KIF1B: variants seen among roughly 807,000 people sequenced by gnomAD.
KIF1B encodes kinesin family member 1B.
Under a neutral mutation model 241.9 loss-of-function variants are expected in KIF1B, and 76 were observed. The ratio of observed to expected loss-of-function variants is 0.31; its 90% confidence interval spans 0.26 to 0.38. The LOEUF is 0.38. Ranked by LOEUF, KIF1B falls within the 10% of genes least tolerant of loss-of-function variation. The pLI is 1.00. For missense variants in KIF1B, 1,622 were observed against 2,271.4 expected, an observed-to-expected ratio of 0.71 and a Z score of 5.81; for synonymous variants, 750 against 796.7, an observed-to-expected ratio of 0.94 and a Z score of 0.99.
chr1:10,244,235 G>C (rs1647175238), intron 2 of KIF1B, among the ~76,000 whole-genome samples: 1 of 151,724 alleles, frequency 6.6e-6, no homozygotes, highest in Non-Finnish European at 1.5e-5. Flanking sequence ...AGTTGCCTGT[G>C]GGTTTTGGTT....
intron 37 of KIF1B, among the ~76,000 whole-genome samples, chr1:10,351,213 A>G (rs927275814): frequency 2.0e-5 from 3 of 151,902 alleles, no homozygotes; most frequent in African/African-American, 7.3e-5. Context: ...TTTATTTACA[A>G]AGTACTGAAT....
Position 10,342,035 on chromosome 1 carries a change from CT to C in KIF1B, c.3514-13del. On this transcript the variant is annotated splice_polypyrimidine_tract_variant and intron_variant, in intron 32 of 48. Transcript: ENST00000676179. ...TATTTTCTTGTAATCTTTTCCTAATCTTGCTTGGCTTTAGATTGCAGTGGAG... is the reference window on the plus strand; with the variant it reads ...TATTTTCTTGTAATCTTTTCCTAATCTGCTTGGCTTTAGATTGCAGTGGAG... The C allele has an allele frequency of 6.8e-7, 1 of 1,476,548 alleles. No individual in the cohort carries two copies. Among genetic ancestry groups the C allele is most frequent in the Non-Finnish European group, 9.5e-7 (1 of 1,055,760 alleles). 91.5% of individuals were successfully genotyped at this position (1,476,548 alleles called of 1,614,324 possible). A position where few individuals can be genotyped will look rare whatever the true frequency, so the allele number is the denominator to read the frequency against.
Position 10,306,652 on chromosome 1 carries a change from G to A in KIF1B, c.2115+9406G>A, listed in dbSNP as rs1650840596. On this transcript the variant is annotated intron_variant, in intron 22 of 48. Transcript: ENST00000676179. ...ATCAGGACGGGTGAACCCAGCCCAG[G>A]TTGGAAATGGAGCAGGCCAAAACTC... is the stretch of plus-strand genomic sequence containing the variant. 1.1e-5 allele frequency: 7 copies of A among 657,410 alleles called. No homozygotes were observed. The South Asian group carries it at 3.6e-4, about 34-fold the overall frequency. 40.7% of individuals were successfully genotyped at this position (657,410 alleles called of 1,614,324 possible). A position where few individuals can be genotyped will look rare whatever the true frequency, so the allele number is the denominator to read the frequency against.
At chr1:10,361,129 C>A in intron 39 of KIF1B, 86 bp downstream of exon 39, 1 of 883,516 alleles carries the variant, frequency 1.1e-6, no homozygotes, top group South Asian at 1.3e-5. Flanking sequence ...AGCGAAGATT[C>A]CACTTGTTTT....
chr1:10,295,899 G>A (rs2102256881), intron 19 of KIF1B, 133 bp downstream of exon 19: 2 of 806,984 alleles, frequency 2.5e-6, no homozygotes, highest in South Asian at 2.9e-5. Flanking sequence ...GGAGAGACCT[G>A]GGCTGCTTAT....
Position 10,334,573 on chromosome 1 carries a change from T to C in KIF1B, c.2978T>C (p.Val993Ala), listed in dbSNP as rs1394999188. ...TATCCCGTGCCCCTGATCCACAGGG[T>C]GGCCATCGTCAGTGAGAAAGGTGAA... ...LLYPVPLIHRVAIVSEKGEVR... is the reference protein window; with the variant it reads ...LLYPVPLIHRAAIVSEKGEVR... The change falls in exon 28 of 49, where the codon GTG (valine) becomes GCG (alanine). Residue 993 changes from valine (V) to alanine (A), a missense_variant. By Grantham distance (64) the Val-to-Ala change is moderately conservative. Transcript: ENST00000676179. 2 of 1,614,090 alleles carry C rather than the reference T, an allele frequency of 1.2e-6. No homozygotes were observed. The highest frequency in any genetic ancestry group is 1.7e-6 in the Non-Finnish European group (2 of 1,179,966).
intron 43 of KIF1B, among the ~76,000 whole-genome samples, chr1:10,367,141 G>C (rs1638598430): frequency 6.6e-6 from 1 of 151,512 alleles, no homozygotes; most frequent in African/African-American, 2.4e-5. Flanking sequence ...TGTCACACAG[G>C]CTGGGATGCA....
intron 24 of KIF1B, among the ~76,000 whole-genome samples, chr1:10,322,455 C>CATAG: frequency 6.6e-6 from 1 of 152,310 alleles, no homozygotes; most frequent in African/African-American, 2.4e-5. Flanking sequence ...CTTATAGTGT[C>CATAG]TGGCATGGTA....
At chr1:10,290,013 A>T (rs192374677) in intron 15 of KIF1B, among the ~76,000 whole-genome samples, 1 of 152,258 alleles carries the variant, frequency 6.6e-6, no homozygotes, top group Admixed American at 6.5e-5. Flanking sequence ...AGAAGGCTTG[A>T]TATGTAATGG....
At chr1:10,211,213 G>C (rs1248723829) in intron 1 of KIF1B, among the ~76,000 whole-genome samples, 1 of 152,224 alleles carries the variant, frequency 6.6e-6, no homozygotes, top group African/African-American at 2.4e-5. Context: ...GCACGTTGCA[G>C]CCCGGGGGGC....
chr1:10,362,503 G>GAAAAAAAAAAAAAAAAA (rs79052867), intron 40 of KIF1B, among the ~76,000 whole-genome samples: 1 of 119,304 alleles, frequency 8.4e-6, no homozygotes, highest in South Asian at 2.7e-4. Flanking sequence ...AAAGAAAAAG[G>GAAAAAAAAAAAAAAAAA]AAAAAAAAAA....
intron 2 of KIF1B, among the ~76,000 whole-genome samples, chr1:10,250,473 G>T (rs1275512992): frequency 2.0e-5 from 3 of 151,916 alleles, no homozygotes; most frequent in African/African-American, 7.3e-5. Context: ...CAAGTAGCTG[G>T]GGTTACAGGT....
intron 28 of KIF1B, among the ~76,000 whole-genome samples, chr1:10,335,083 C>G (rs759913119): frequency 2.6e-5 from 4 of 152,012 alleles, no homozygotes; most frequent in Admixed American, 6.6e-5. Context: ...ACTACAGATG[C>G]ACACCACCAT....
intron 2 of KIF1B, among the ~76,000 whole-genome samples, chr1:10,250,837 T>C (rs893112251): frequency 6.6e-6 from 1 of 150,396 alleles, no homozygotes; most frequent in Non-Finnish European, 1.5e-5. Flanking sequence ...GGAAAACAAA[T>C]GGATTAGTTG....
chr1:10,253,043 CA>C (rs1647556519), intron 2 of KIF1B, among the ~76,000 whole-genome samples: 3 of 152,004 alleles, frequency 2.0e-5, no homozygotes, highest in Admixed American at 6.6e-5. Context: ...GAATTTTAAA[CA>C]ATGCCTACAG....
rs760080117 is a variant in KIF1B, at chr1:10,365,558, T to C, written c.4662T>C (p.Phe1554=). The stretch of plus-strand genomic sequence containing the variant: ...CCTCTCAGATCTCAACCACTACCTT[T>C]GAAAGCGCCATCACACCTAGCGAGA... ...SISSQISTTT[F]ESAITPSESS... Residue 1554 remains phenylalanine (F), a synonymous_variant, in exon 43 of 49, where the codon TTT becomes TTC. Coordinates refer to ENST00000676179, the MANE Select transcript of KIF1B (RefSeq NM_001365951.3). The surrounding 1 kb of genome is among the most constrained non-coding windows in gnomAD (Gnocchi z 4.0). 14 of 1,613,990 alleles carry C rather than the reference T, an allele frequency of 8.7e-6. No individual in the cohort carries two copies. Among genetic ancestry groups the C allele is most frequent in the African/African-American group, 1.3e-5 (1 of 74,894 alleles).
At chr1:10,246,826 C>G (rs1353481544) in intron 2 of KIF1B, among the ~76,000 whole-genome samples, 1 of 152,140 alleles carries the variant, frequency 6.6e-6, no homozygotes, top group Non-Finnish European at 1.5e-5. Context: ...TAAAATTCTT[C>G]ACTGGTTTCC....
intron 14 of KIF1B, 150 bp from the exon 15 acceptor site, chr1:10,282,172 T>C (rs1296233633): frequency 1.4e-5 from 9 of 646,728 alleles, no homozygotes; most frequent in Non-Finnish European, 2.4e-5. Flanking sequence ...CTAGAACAGT[T>C]GTAACCTGTG....
At chr1:10,262,394 GCCT>G (rs1209002377) in intron 5 of KIF1B, among the ~76,000 whole-genome samples, 1 of 152,086 alleles carries the variant, frequency 6.6e-6, no homozygotes, top group Non-Finnish European at 1.5e-5. Context: ...AAGCAATCTT[GCCT>G]CCTCCACCTC....
Sources: gnomAD v4.1 joint callset for allele counts (sites outside exome capture counted in the v4.1 genomes callset) on GRCh38, gnomAD v4.1.1 for gene constraint, Gnocchi (gnomAD v3.1) non-coding constraint, MANE v1.5 for transcripts, NCBI Gene and HGNC (gene_info 2026-07-23, HGNC 2026-07-21) for gene names.